The following CSMD1 variants were observed in gnomAD, a reference collection of about 807,000 sequenced individuals.
CSMD1 encodes the protein CUB and sushi domain-containing protein 1.
Under a neutral mutation model 417.5 loss-of-function variants are expected in CSMD1, and 213 were observed. The observed-to-expected ratio is 0.51, with a 90% CI of 0.46 to 0.57. The LOEUF (loss-of-function observed/expected upper bound fraction) is 0.57. Among genes scored for constraint, CSMD1 ranks in the 20% least tolerant of loss-of-function variants. The pLI, the probability that CSMD1 is intolerant of heterozygous loss-of-function variation, is 0.00. For missense variants in CSMD1, 6,923 were observed against 4,529.7 expected (o/e 1.53, Z -15.17); for synonymous variants, 2,862 against 1,736.8 (o/e 1.65, Z -16.11).
chr8:3,889,551 A>ATG (rs547131931), intron 5 of CSMD1, among the ~76,000 whole-genome samples: 2,157 of 86,358 alleles, frequency 0.025, 111 homozygotes, highest in African/African-American at 0.064. Context: ...ATATGTGTAT[A>ATG]TGTGTGTCTG....
chr8:3,615,748 G>A (rs932399620), intron 8 of CSMD1, among the ~76,000 whole-genome samples: 1 of 152,080 alleles, frequency 6.6e-6, no homozygotes. Flanking sequence ...TTAGCTCTGT[G>A]AACCTTTTTT....
chr8:3,103,307 G>T (rs1815891654), intron 46 of CSMD1, among the ~76,000 whole-genome samples: 1 of 152,042 alleles, frequency 6.6e-6, no homozygotes, highest in Admixed American at 6.6e-5. Flanking sequence ...TCGTTATTGG[G>T]ACATGAAAAA....
chr8:3,364,008 A>G (rs1051626929), intron 20 of CSMD1, among the ~76,000 whole-genome samples: 2 of 152,220 alleles, frequency 1.3e-5, no homozygotes, highest in Non-Finnish European at 2.9e-5. Context: ...CTGCTTTAAT[A>G]AGGCCTTCTG....
intron 41 of CSMD1, among the ~76,000 whole-genome samples, chr8:3,140,207 G>C (rs997701132): frequency 6.6e-5 from 10 of 152,068 alleles, no homozygotes; most frequent in Non-Finnish European, 1.5e-4. Flanking sequence ...ACCCAGCCCC[G>C]ATTACCCTTA....
intron 3 of CSMD1, among the ~76,000 whole-genome samples, chr8:4,394,127 T>C (rs1176695927): frequency 6.6e-6 from 1 of 152,210 alleles, no homozygotes; most frequent in African/African-American, 2.4e-5. Context: ...GATTATCTTC[T>C]AAGTATTATT....
chr8:3,205,817 A>T (rs1797220746), intron 30 of CSMD1, among the ~76,000 whole-genome samples, 197 bp from the exon 31 acceptor site: 1 of 152,222 alleles, frequency 6.6e-6, no homozygotes. Flanking sequence ...AATCCAACTT[A>T]GGAGAAAAAC....
intron 5 of CSMD1, among the ~76,000 whole-genome samples, chr8:3,878,288 A>G (rs1585129165): frequency 6.6e-6 from 1 of 152,300 alleles, no homozygotes; most frequent in Admixed American, 6.5e-5. Flanking sequence ...AAAATAAATC[A>G]ATCTCTTCTC....
intron 1 of CSMD1, among the ~76,000 whole-genome samples, chr8:4,675,816 CA>C (rs777230653): frequency 2.6e-5 from 4 of 152,062 alleles, no homozygotes; most frequent in Admixed American, 6.6e-5. Flanking sequence ...GAACGAAAGC[CA>C]AAGGTACTCT....
At chr8:4,054,849 G>A (rs1798609496) in intron 3 of CSMD1, among the ~76,000 whole-genome samples, 1 of 152,160 alleles carries the variant, frequency 6.6e-6, no homozygotes, top group Non-Finnish European at 1.5e-5. Flanking sequence ...CCCACTGTTT[G>A]GAGAGAATGT....
intron 26 of CSMD1, among the ~76,000 whole-genome samples, chr8:3,262,850 G>A (rs1801181326): frequency 6.6e-6 from 1 of 152,176 alleles, no homozygotes; most frequent in Non-Finnish European, 1.5e-5. Context: ...AAAAATGTAT[G>A]TAATAGAAAT....
intron 3 of CSMD1, among the ~76,000 whole-genome samples, chr8:4,143,003 A>AT (rs1554468017): frequency 6.8e-4 from 102 of 150,050 alleles, no homozygotes; most frequent in Non-Finnish European, 9.9e-4. Flanking sequence ...AAAAAAAAAA[A>AT]TGCTCTCCAT....
chr8:3,727,508 G>A (rs1802562453), intron 6 of CSMD1, among the ~76,000 whole-genome samples: 1 of 152,216 alleles, frequency 6.6e-6, no homozygotes, highest in Non-Finnish European at 1.5e-5. Context: ...CTCATGCACT[G>A]CTGGTGTGAA....
At chr8:2,964,020 A>G (rs1803728598) in intron 59 of CSMD1, among the ~76,000 whole-genome samples, 2 of 152,194 alleles carry the variant, frequency 1.3e-5, no homozygotes, top group South Asian at 4.1e-4. Context: ...TGATGTCACG[A>G]GAGATCACCT....
At chr8:4,142,613 A>C (rs1265301861) in intron 3 of CSMD1, among the ~76,000 whole-genome samples, 1 of 151,166 alleles carries the variant, frequency 6.6e-6, no homozygotes, top group Non-Finnish European at 1.5e-5. Context: ...GCTTAGCAGC[A>C]CTGGCTCTGT....
intron 54 of CSMD1, among the ~76,000 whole-genome samples, chr8:2,995,035 C>G (rs1806757076): frequency 6.6e-6 from 1 of 151,984 alleles, no homozygotes. Flanking sequence ...ATACCATGAC[C>G]CAGAAAAAGA....
intron 5 of CSMD1, among the ~76,000 whole-genome samples, chr8:3,966,313 G>T (rs960585290): frequency 1.3e-5 from 2 of 151,988 alleles, no homozygotes; most frequent in Non-Finnish European, 2.9e-5. Context: ...TGGAGAAGAG[G>T]GAAAGAAATA....
chr8:2,985,530 T>G (rs1170926948), intron 54 of CSMD1, among the ~76,000 whole-genome samples: 1 of 152,254 alleles, frequency 6.6e-6, no homozygotes, highest in Non-Finnish European at 1.5e-5. Context: ...GTCACTAAAT[T>G]ACACAATGCA....
At chr8:4,071,277 T>A (rs995230908) in intron 3 of CSMD1, among the ~76,000 whole-genome samples, 1 of 152,168 alleles carries the variant, frequency 6.6e-6, no homozygotes. Context: ...CTTGTTATAT[T>A]TTTTCAGTCT....
chr8:4,280,439 G>C (rs1178020671), intron 3 of CSMD1, among the ~76,000 whole-genome samples: 1 of 152,132 alleles, frequency 6.6e-6, no homozygotes, highest in Non-Finnish European at 1.5e-5. Flanking sequence ...TGTGCGACCG[G>C]ATACCAATCT....
Sources: allele counts gnomAD v4.1 joint callset (sites outside exome capture counted in the v4.1 genomes callset), GRCh38; gene constraint gnomAD v4.1.1; transcripts MANE v1.5; gene names NCBI Gene and HGNC (gene_info 2026-07-23, HGNC 2026-07-21).